Variants in GRIN3A observed in about 807,000 individuals in gnomAD.
GRIN3A encodes the protein glutamate receptor ionotropic, NMDA 3A.
A neutral mutation model predicts 92.4 loss-of-function variants in GRIN3A; 47 were observed. The ratio of observed to expected loss-of-function variants is 0.51; its 90% confidence interval spans 0.40 to 0.65. The LOEUF is 0.65. Among genes scored for constraint, GRIN3A ranks in the 30% least tolerant of loss-of-function variants. The probability of loss-of-function intolerance (pLI) is 0.00; values close to 1 mark genes in which losing one functional copy is unlikely to be tolerated. For synonymous variants in GRIN3A, 527 were observed against 540.6 expected (o/e 0.97, Z 0.35); for missense variants, 1,324 against 1,393.1 (o/e 0.95, Z 0.79).
At chr9:101,610,574 C>CATCTATCTATCTATCT (rs145593614) in intron 6 of GRIN3A, among the ~76,000 whole-genome samples, 6 of 139,338 alleles carry the variant, frequency 4.3e-5, no homozygotes, top group Admixed American at 7.2e-5. Context: ...AGCTTGCATC[C>CATCTATCTATCTATCT]ATCTATCTAT....
intron 1 of GRIN3A, among the ~76,000 whole-genome samples, chr9:101,731,079 G>A (rs977888006): frequency 7.9e-5 from 12 of 151,954 alleles, no homozygotes; most frequent in African/African-American, 1.9e-4. Context: ...ATTGTACTCC[G>A]TTAAAAAATG....
chr9:101,649,140 A>G (rs1011895180), intron 3 of GRIN3A, among the ~76,000 whole-genome samples: 6 of 152,050 alleles, frequency 3.9e-5, no homozygotes, highest in Admixed American at 1.3e-4. Flanking sequence ...CTGTCCTGCC[A>G]TTGTTTCACA....
At chr9:101,587,043 C>T (rs1405700092) in intron 6 of GRIN3A, among the ~76,000 whole-genome samples, 1 of 152,202 alleles carries the variant, frequency 6.6e-6, no homozygotes, top group Non-Finnish European at 1.5e-5. Flanking sequence ...GGCGCAGTGG[C>T]TCACGCCTGT....
chr9:101,708,218 G>C (rs191309100), intron 1 of GRIN3A, among the ~76,000 whole-genome samples: 1 of 152,242 alleles, frequency 6.6e-6, no homozygotes, highest in African/African-American at 2.4e-5. Context: ...GGATCACTAA[G>C]TAACTAATGT....
intron 6 of GRIN3A, among the ~76,000 whole-genome samples, chr9:101,605,799 A>G (rs1013958161): frequency 3.9e-5 from 6 of 152,168 alleles, no homozygotes. Flanking sequence ...ATCCCATGCA[A>G]TCAAGGTCTC....
chr9:101,573,213 C>T lies in GRIN3A; in HGVS notation c.3309G>A (p.Leu1103=), dbSNP rs771521565. 5 of 1,613,982 alleles carry T rather than the reference C, an allele frequency of 3.1e-6. No individual in the cohort carries two copies. The highest frequency in any genetic ancestry group is 1.6e-4 in the Middle Eastern group (1 of 6,084). ...TCCGACTTGTCCTTTGATACTCCTC[C>T]AGCTCCGTTTTCCTGCTCACAGCCA... is the stretch of plus-strand genomic sequence containing the variant. The part of the protein sequence containing the change: ...LQLAVSRKTE[L]EEYQRTSRTC... The change falls in exon 9 of 9, where the codon CTG becomes CTA. Residue 1103 remains leucine, a synonymous_variant. Coordinates refer to ENST00000361820, the MANE Select transcript of GRIN3A (RefSeq NM_133445.3).
At chr9:101,630,421 T>C (rs934479485) in intron 3 of GRIN3A, among the ~76,000 whole-genome samples, 5 of 152,212 alleles carry the variant, frequency 3.3e-5, no homozygotes, top group Non-Finnish European at 5.9e-5. Context: ...TCTTTGACCT[T>C]TCCGTGCATT....
intron 1 of GRIN3A, among the ~76,000 whole-genome samples, chr9:101,687,868 T>C (rs1047712300): frequency 6.6e-6 from 1 of 152,232 alleles, no homozygotes; most frequent in Non-Finnish European, 1.5e-5. Flanking sequence ...AACACACTTA[T>C]GTAACTTGTA....
At chr9:101,639,533 A>C (rs1440136429) in intron 3 of GRIN3A, among the ~76,000 whole-genome samples, 2 of 152,232 alleles carry the variant, frequency 1.3e-5, no homozygotes. Context: ...CTGAGCAGGC[A>C]GTAAGGTCCT....
chr9:101,632,096 GTT>G (rs1245920610), intron 3 of GRIN3A, among the ~76,000 whole-genome samples: 3 of 152,170 alleles, frequency 2.0e-5, no homozygotes, highest in Non-Finnish European at 4.4e-5. Flanking sequence ...GCTTTGGCCA[GTT>G]CTCTCATTTC....
intron 2 of GRIN3A, among the ~76,000 whole-genome samples, chr9:101,681,353 T>C (rs895848708): frequency 2.1e-4 from 32 of 152,262 alleles, no homozygotes; most frequent in African/African-American, 7.5e-4. Context: ...TTTTTATAAA[T>C]ATGTCAGGGC....
chr9:101,724,670 C>T (rs990011633), intron 1 of GRIN3A, among the ~76,000 whole-genome samples: 1 of 152,222 alleles, frequency 6.6e-6, no homozygotes, highest in African/African-American at 2.4e-5. Flanking sequence ...CACGCTGTCA[C>T]CTCTCAGTAA....
At chr9:101,637,307 A>T (rs746081782) in intron 3 of GRIN3A, among the ~76,000 whole-genome samples, 6 of 152,036 alleles carry the variant, frequency 3.9e-5, no homozygotes, top group Non-Finnish European at 7.4e-5. Context: ...GTTAGCCAGG[A>T]TGGTCTCCAT....
chr9:101,602,849 C>T (rs929572152), intron 6 of GRIN3A: 1 of 147,762 alleles, frequency 6.8e-6, no homozygotes, highest in Non-Finnish European at 1.5e-5. Flanking sequence ...TGTGATGATA[C>T]GGAGGGAGGG....
At chr9:101,695,252 A>G (rs1490669722) in intron 1 of GRIN3A, among the ~76,000 whole-genome samples, 1 of 152,188 alleles carries the variant, frequency 6.6e-6, no homozygotes, top group African/African-American at 2.4e-5. Context: ...CAAGCACTTG[A>G]GTACCTATTT....
intron 4 of GRIN3A, 38 bp downstream of exon 4, chr9:101,628,218 T>C: frequency 6.2e-7 from 1 of 1,610,146 alleles, no homozygotes; most frequent in Non-Finnish European, 8.5e-7. Flanking sequence ...TTCTCTTCAG[T>C]GAGAATTTTT....
intron 3 of GRIN3A, among the ~76,000 whole-genome samples, chr9:101,642,436 G>A (rs887927141): frequency 6.6e-6 from 1 of 152,110 alleles, no homozygotes; most frequent in Non-Finnish European, 1.5e-5. Context: ...TTATGAATAT[G>A]ACTCTAAAAG....
At chr9:101,680,073 T>C (rs1829449064) in intron 2 of GRIN3A, among the ~76,000 whole-genome samples, 1 of 152,212 alleles carries the variant, frequency 6.6e-6, no homozygotes, top group South Asian at 2.1e-4. Context: ...CCCTGCAAAG[T>C]AGTAGCTGAA....
At chr9:101,618,076 A>G (rs1387265932) in intron 5 of GRIN3A, among the ~76,000 whole-genome samples, 2 of 152,082 alleles carry the variant, frequency 1.3e-5, no homozygotes, top group Non-Finnish European at 2.9e-5. Context: ...ACCTAAAACC[A>G]TAAAAACCCT....
Sources: allele counts gnomAD v4.1 joint callset (sites outside exome capture counted in the v4.1 genomes callset), GRCh38; gene constraint gnomAD v4.1.1; transcripts MANE v1.5; gene names NCBI Gene and HGNC (gene_info 2026-07-23, HGNC 2026-07-21).